The following NTM variants were observed in gnomAD, a reference collection of about 807,000 sequenced individuals.
NTM encodes neurotrimin.
Under a neutral mutation model 42.1 loss-of-function variants are expected in NTM, and 13 were observed. The ratio of observed to expected loss-of-function variants is 0.31; its 90% CI spans 0.20 to 0.49. The LOEUF (loss-of-function observed/expected upper bound fraction) is 0.49, where lower values mean the gene tolerates loss of function less well. NTM is among the 20% of genes least tolerant of loss of function. The pLI is 0.99. For missense variants in NTM, 373 were observed against 452.8 expected (o/e 0.82, Z 1.60); for synonymous variants, 187 against 179.2 (o/e 1.04, Z -0.35).
intron 2 of NTM, among the ~76,000 whole-genome samples, chr11:132,083,760 G>T (rs2136309773): frequency 6.6e-6 from 1 of 152,256 alleles, no homozygotes; most frequent in South Asian, 2.1e-4. Flanking sequence ...GCATCCTCTT[G>T]CAAAAGAAAA....
At chr11:131,441,413 C>T (rs1300413297) in intron 1 of NTM, among the ~76,000 whole-genome samples, 1 of 152,206 alleles carries the variant, frequency 6.6e-6, no homozygotes, top group African/African-American at 2.4e-5. Flanking sequence ...TTATCCTTTA[C>T]TCTGATTCTT....
chr11:131,885,814 A>G (rs1452822380), intron 1 of NTM, among the ~76,000 whole-genome samples: 1 of 152,160 alleles, frequency 6.6e-6, no homozygotes, highest in Non-Finnish European at 1.5e-5. Flanking sequence ...CTCCAGTGCA[A>G]GTGTGAGCAG....
intron 1 of NTM, among the ~76,000 whole-genome samples, chr11:131,668,975 C>T (rs902862490): frequency 6.6e-6 from 1 of 152,066 alleles, no homozygotes; most frequent in Admixed American, 6.6e-5. Context: ...TGGTGGTGGC[C>T]GGTAGGGGGA....
intron 1 of NTM, among the ~76,000 whole-genome samples, chr11:131,821,759 C>T (rs1212154370): frequency 6.6e-6 from 1 of 152,120 alleles, no homozygotes; most frequent in Non-Finnish European, 1.5e-5. Context: ...CACTGACTCT[C>T]TTTGTTTGGA....
chr11:131,789,541 AG>A lies in NTM; in HGVS notation c.83-122022del, dbSNP rs2090241517. On this transcript the variant is annotated intron_variant, in intron 1 of 8. Transcript: ENST00000683400. ...AAGAAGAAGAAGAAGAAGAAGAAGA[AG>A]AAGAAAAGAAGAAGAAGAAGAAGAA... is the stretch of plus-strand genomic sequence containing the variant. Among the ~76,000 whole-genome samples the A allele has an allele frequency of 7.3e-5, 2 of 27,454 alleles. 1 individual carries two copies. Among genetic ancestry groups the A allele is most frequent in the African/African-American group, 4.1e-4 (2 of 4,898 alleles). The allele number at this position is 27,454 out of a possible 152,430, so 18.0% of individuals were successfully genotyped here.
intron 2 of NTM, among the ~76,000 whole-genome samples, chr11:132,088,360 G>A (rs1003813460): frequency 7.2e-5 from 11 of 152,072 alleles, no homozygotes; most frequent in African/African-American, 2.7e-4. Context: ...CCTTCCTCAT[G>A]TCCCCATACT....
At chr11:131,893,895 C>G (rs1235496116) in intron 1 of NTM, among the ~76,000 whole-genome samples, 3 of 152,090 alleles carry the variant, frequency 2.0e-5, no homozygotes, top group Non-Finnish European at 4.4e-5. Context: ...AGATAGTAAT[C>G]AAGTGGGCCT....
chr11:131,558,686 G>T (rs935333135), intron 1 of NTM, among the ~76,000 whole-genome samples: 1 of 152,172 alleles, frequency 6.6e-6, no homozygotes, highest in African/African-American at 2.4e-5. Flanking sequence ...GGCCTAAATA[G>T]TAGGGAGCTG....
chr11:132,232,281 A>G (rs2087757016), intron 4 of NTM, among the ~76,000 whole-genome samples: 1 of 151,768 alleles, frequency 6.6e-6, no homozygotes, highest in Non-Finnish European at 1.5e-5. Context: ...GATGATATAT[A>G]CCACGTTGGC....
intron 4 of NTM, among the ~76,000 whole-genome samples, chr11:132,265,659 G>A (rs1424267762): frequency 6.6e-6 from 1 of 152,204 alleles, no homozygotes; most frequent in African/African-American, 2.4e-5. Flanking sequence ...AAGGTGGATG[G>A]GAAGTAGGGA....
At chr11:132,110,558 C>A (rs989434294) in intron 2 of NTM, among the ~76,000 whole-genome samples, 1 of 152,260 alleles carries the variant, frequency 6.6e-6, no homozygotes, top group Admixed American at 6.5e-5. Flanking sequence ...TCAATCATAT[C>A]CATGTTTGGT....
intron 1 of NTM, among the ~76,000 whole-genome samples, chr11:131,580,704 T>A (rs2058332214): frequency 6.6e-6 from 1 of 152,182 alleles, no homozygotes; most frequent in African/African-American, 2.4e-5. Context: ...CAGTGGGTGG[T>A]AGACTTCCTT....
intron 1 of NTM, among the ~76,000 whole-genome samples, chr11:131,613,815 T>G (rs1419235217): frequency 1.3e-5 from 2 of 151,906 alleles, no homozygotes; most frequent in Non-Finnish European, 2.9e-5. Flanking sequence ...TATGCCCCAC[T>G]CTCCTAAAGC....
intron 1 of NTM, among the ~76,000 whole-genome samples, chr11:131,548,326 C>G (rs763885228): frequency 6.6e-6 from 1 of 152,014 alleles, no homozygotes; most frequent in Non-Finnish European, 1.5e-5. Flanking sequence ...AAAAACATCC[C>G]CCAGGCAGTA....
intron 2 of NTM, among the ~76,000 whole-genome samples, chr11:132,137,293 A>T (rs920660263): frequency 5.9e-5 from 9 of 152,128 alleles, no homozygotes; most frequent in Non-Finnish European, 1.3e-4. Context: ...CTGCAGATGG[A>T]TTTGTTTCAG....
chr11:132,217,587 A>G (rs2084168664), intron 4 of NTM, among the ~76,000 whole-genome samples: 2 of 152,126 alleles, frequency 1.3e-5, no homozygotes, highest in African/African-American at 2.4e-5. Context: ...TTCCAAGCCA[A>G]GCCCTTGTTC....
chr11:131,704,956 T>G (rs2076446415), intron 1 of NTM, among the ~76,000 whole-genome samples: 1 of 151,928 alleles, frequency 6.6e-6, no homozygotes. Context: ...TGAGAAACAG[T>G]GACAAAACCC....
intron 1 of NTM, among the ~76,000 whole-genome samples, chr11:131,531,506 A>G (rs1226237982): frequency 2.6e-5 from 4 of 152,170 alleles, no homozygotes; most frequent in African/African-American, 9.7e-5. Flanking sequence ...AGTGAAGTGG[A>G]ACTTAAGGAG....
At chr11:131,601,558 A>G (rs1375280189) in intron 1 of NTM, among the ~76,000 whole-genome samples, 2 of 151,946 alleles carry the variant, frequency 1.3e-5, no homozygotes, top group Admixed American at 1.3e-4. Context: ...AGGGACTAAA[A>G]TGCTCCCACC....
Sources: gnomAD v4.1 joint callset for allele counts (sites outside exome capture counted in the v4.1 genomes callset) on GRCh38, gnomAD v4.1.1 for gene constraint, MANE v1.5 for transcripts, NCBI Gene and HGNC (gene_info 2026-07-23, HGNC 2026-07-21) for gene names.